The following CLEC5A variants were observed in gnomAD, a reference collection of about 807,000 sequenced individuals.
CLEC5A encodes C-type lectin domain family 5 member A.
A neutral mutation model predicts 24.4 loss-of-function variants in CLEC5A; 15 were observed. The observed-to-expected ratio is 0.62, with a 90% CI of 0.41 to 0.95. CLEC5A has a LOEUF of 0.95. Ranked by LOEUF, CLEC5A falls within the 40% of genes least tolerant of loss-of-function variation. The probability of loss-of-function intolerance (pLI) is 0.00; values close to 1 mark genes in which losing one functional copy is unlikely to be tolerated. For missense variants in CLEC5A, 211 were observed against 224.0 expected (o/e 0.94, Z 0.37); for synonymous variants, 71 against 72.6 (o/e 0.98, Z 0.11).
intron 6 of CLEC5A, among the ~76,000 whole-genome samples, chr7:141,931,350 C>T (rs1802453775): frequency 6.6e-6 from 1 of 152,116 alleles, no homozygotes; most frequent in African/African-American, 2.4e-5. Flanking sequence ...CATATCTAGT[C>T]TGTTTGAAGT....
intron 3 of CLEC5A, among the ~76,000 whole-genome samples, chr7:141,944,631 C>T (rs1181735452): frequency 6.6e-6 from 1 of 152,158 alleles, no homozygotes; most frequent in Non-Finnish European, 1.5e-5. Context: ...GAGCAGGCAG[C>T]CGCAGTGGCT....
At chr7:141,931,894 T>G (rs1802479601) in intron 5 of CLEC5A, 68 bp from the exon 6 acceptor site, 1 of 688,390 alleles carries the variant, frequency 1.5e-6, no homozygotes. Context: ...AATGTGCCCA[T>G]GATTATATCT....
chr7:141,946,220 G>A lies in CLEC5A; in HGVS notation c.73C>T (p.Leu25Phe). 1 of 1,563,338 alleles carries A rather than the reference G, an allele frequency of 6.4e-7. No homozygotes were observed. The highest frequency in any genetic ancestry group is 2.3e-5 in the East Asian group (1 of 42,816). The change falls in exon 2 of 7, where the codon CTT becomes TTT. Residue 25 changes from leucine to phenylalanine, a missense_variant. Coordinates refer to ENST00000546910, the MANE Select transcript of CLEC5A (RefSeq NM_013252.3). ...AGGTTGCTCAAATACTCACAATAAAGTAGAAATAAGGTCATTCCAACAACT... is the reference window on the plus strand; with the variant it reads ...AGGTTGCTCAAATACTCACAATAAAATAGAAATAAGGTCATTCCAACAACT... Reference protein sequence around the residue: ...LKVVGMTLFLLYFPQIFNKSN... With the variant: ...LKVVGMTLFLFYFPQIFNKSN...
intron 5 of CLEC5A, among the ~76,000 whole-genome samples, chr7:141,933,265 C>A (rs1802517097): frequency 6.6e-6 from 1 of 151,958 alleles, no homozygotes; most frequent in South Asian, 2.1e-4. Context: ...GAGGTGATAC[C>A]TGAGATGAAT....
chr7:141,932,638 C>T (rs556422318), intron 5 of CLEC5A, among the ~76,000 whole-genome samples: 9 of 152,146 alleles, frequency 5.9e-5, no homozygotes, highest in Non-Finnish European at 1.0e-4. Context: ...AAACATCTCT[C>T]GAGTGTCTAT....
chr7:141,936,210 T>G, intron 4 of CLEC5A: 1 of 463,396 alleles, frequency 2.2e-6, no homozygotes, highest in Non-Finnish European at 3.9e-6. Flanking sequence ...ATTTGACAAC[T>G]ATCTACACAC....
intron 5 of CLEC5A, among the ~76,000 whole-genome samples, chr7:141,933,137 CTAGCA>C (rs1419262811): frequency 1.2e-4 from 18 of 152,132 alleles, no homozygotes; most frequent in Non-Finnish European, 8.8e-5. Context: ...ACCAACTTAA[CTAGCA>C]TAAGGAGGTA....
chr7:141,940,870 T>C (rs1802774517), intron 4 of CLEC5A, among the ~76,000 whole-genome samples: 1 of 151,960 alleles, frequency 6.6e-6, no homozygotes, highest in African/African-American at 2.4e-5. Flanking sequence ...CCTACCAAGA[T>C]TAAACCACAA....
rs1802363282 is a variant in CLEC5A, at chr7:141,928,536, A to G, written c.*1568T>C. On this transcript the variant is annotated 3_prime_UTR_variant, in exon 7 of 7. Coordinates refer to ENST00000546910, the MANE Select transcript of CLEC5A (RefSeq NM_013252.3). Reference sequence around the variant, plus strand: ...AGAACTTGTATCTCCACCGGCTACTAATATAATTCCAATTTCCACCCCATC... The same window carrying G: ...AGAACTTGTATCTCCACCGGCTACTGATATAATTCCAATTTCCACCCCATC... 1 of 152,112 alleles carries G rather than the reference A, an allele frequency of 6.6e-6. No homozygotes were observed. Among genetic ancestry groups the G allele is most frequent in the Non-Finnish European group, 1.5e-5 (1 of 68,034 alleles). The allele number at this position is 152,112 out of a possible 1,614,324, so 9.4% of individuals were successfully genotyped here.
intron 3 of CLEC5A, 150 bp from the exon 4 acceptor site, chr7:141,944,114 CT>C (rs1340450809): frequency 1.9e-6 from 1 of 537,214 alleles, no homozygotes; most frequent in African/African-American, 1.9e-5. Context: ...TAATTTCTTT[CT>C]TTGAGCCTTC....
chr7:141,935,727 TC>T, intron 5 of CLEC5A, 86 bp downstream of exon 5: 1 of 1,116,548 alleles, frequency 9.0e-7, no homozygotes. Context: ...CTCCATCCCA[TC>T]CCCACTCCCC....
In CLEC5A at chr7:141,928,139, T is replaced by C. The variant is rs1285935; in HGVS notation, c.*1965A>G. The C allele has an allele frequency of 0.86, 130,331 of 152,120 alleles. 55,982 individuals are homozygous for C. Among genetic ancestry groups the C allele is most frequent in the African/African-American group, 0.91 (37,901 of 41,456 alleles). 9.4% of individuals were successfully genotyped at this position (152,120 alleles called of 1,614,324 possible). On this transcript the variant is annotated 3_prime_UTR_variant, in exon 7 of 7. Coordinates refer to ENST00000546910, the MANE Select transcript of CLEC5A (RefSeq NM_013252.3). ...AAGCTTGCAAGGATCCAGGAACTCT[T>C]CCAATGATGAACTTAAACCAAATCC...
chr7:141,945,331 T>G lies in CLEC5A; in HGVS notation c.139+10A>C. ...AGGATGGGGAGAAGATTTACCACCA[T>G]GCAGATTACCTGTTCCATAGCTCCT... is the stretch of plus-strand genomic sequence containing the variant. On this transcript the variant is annotated intron_variant, in intron 3 of 6. Coordinates refer to ENST00000546910, the MANE Select transcript of CLEC5A (RefSeq NM_013252.3). The G allele has an allele frequency of 2.5e-6, 4 of 1,596,842 alleles. No individual in the cohort carries two copies. The highest frequency in any genetic ancestry group is 3.4e-6 in the Non-Finnish European group (4 of 1,164,316).
At position 141,929,560 on chromosome 7, in the gene CLEC5A, T is replaced by C. The variant is rs1554440005; in HGVS notation, c.*544A>G. On this transcript the variant is annotated 3_prime_UTR_variant, in exon 7 of 7. Coordinates refer to ENST00000546910, the MANE Select transcript of CLEC5A (RefSeq NM_013252.3). Reference sequence around the variant, plus strand: ...CTCTCTCCATTCCCATAAACAATGCTGCTGTCCGTGCTGCTCCAAGCTCAG... The same window carrying C: ...CTCTCTCCATTCCCATAAACAATGCCGCTGTCCGTGCTGCTCCAAGCTCAG... 1.3e-5 allele frequency: 2 copies of C among 152,380 alleles called. No individual in the cohort carries two copies. Among genetic ancestry groups the C allele is most frequent in the South Asian group, 2.1e-4 (1 of 4,844 alleles). The allele number at this position is 152,380 out of a possible 1,614,324, so 9.4% of individuals were successfully genotyped here. A position where few individuals can be genotyped will look rare whatever the true frequency, so the allele number is the denominator to read the frequency against.
At position 141,930,363 on chromosome 7, in the gene CLEC5A, CCA is replaced by C. The variant is rs1433883936; in HGVS notation, c.453-147_453-146del. On this transcript the variant is annotated intron_variant, in intron 6 of 6. Transcript: ENST00000546910. ...CTGGAAGGGCAGCAGACTACCGGGCCCACACACGTCTCCATCTGCGTAGCCTC... is the reference window on the plus strand; with the variant it reads ...CTGGAAGGGCAGCAGACTACCGGGCCCACACGTCTCCATCTGCGTAGCCTC... The C allele has an allele frequency of 9.6e-6, 6 of 624,334 alleles. No homozygotes were observed. The Admixed American group carries it at 1.6e-4, about 17-fold the overall frequency. 38.7% of individuals were successfully genotyped at this position (624,334 alleles called of 1,614,324 possible).
intron 3 of CLEC5A, among the ~76,000 whole-genome samples, chr7:141,944,877 C>G (rs1802906727): frequency 6.6e-6 from 1 of 152,164 alleles, no homozygotes; most frequent in Non-Finnish European, 1.5e-5. Context: ...TGAGTATTTT[C>G]TCCATACAGC....
At chr7:141,936,034 AT>A in intron 4 of CLEC5A, 84 bp from the exon 5 acceptor site, 2 of 1,180,084 alleles carry the variant, frequency 1.7e-6, no homozygotes, top group Non-Finnish European at 1.2e-6. Context: ...AGTGATACAT[AT>A]TTTTGCTTTG....
chr7:141,936,362 A>G, intron 4 of CLEC5A: 1 of 252,184 alleles, frequency 4.0e-6, no homozygotes, highest in Non-Finnish European at 7.7e-6. Flanking sequence ...CTGCAGTGAC[A>G]GCATGGCATG....
intron 3 of CLEC5A, 98 bp downstream of exon 3, chr7:141,945,243 A>G (rs1802918555): frequency 1.1e-6 from 1 of 883,182 alleles, no homozygotes. Context: ...TTTGTACAAA[A>G]GAATTTCTTG....
Sources: allele counts gnomAD v4.1 joint callset (sites outside exome capture counted in the v4.1 genomes callset), GRCh38; gene constraint gnomAD v4.1.1; transcripts MANE v1.5; gene names NCBI Gene and HGNC (gene_info 2026-07-23, HGNC 2026-07-21).